Variants in NTM observed in about 807,000 individuals in gnomAD.
The protein encoded by NTM is IgLON family member 2.
In NTM, 13 loss-of-function variants were observed where a neutral mutation model predicts 42.1. The ratio of observed to expected loss-of-function variants is 0.31; its 90% CI spans 0.20 to 0.49. The LOEUF (loss-of-function observed/expected upper bound fraction) is 0.49. Among genes scored for constraint, NTM ranks in the 20% least tolerant of loss-of-function variants. The probability of loss-of-function intolerance (pLI) is 0.99; values close to 1 mark genes in which losing one functional copy is unlikely to be tolerated. For synonymous variants in NTM, 187 were observed against 179.2 expected (o/e 1.04, Z -0.35); for missense variants, 373 against 452.8 (o/e 0.82, Z 1.60).
intron 1 of NTM, among the ~76,000 whole-genome samples, chr11:131,402,550 G>GA (rs1413770104): frequency 2.0e-5 from 3 of 152,094 alleles, no homozygotes; most frequent in Non-Finnish European, 2.9e-5. Flanking sequence ...GGGCCTATAG[G>GA]AAAACAGCAC....
Position 132,122,727 on chromosome 11 carries a change from C to T in NTM, c.168-23555C>T, listed in dbSNP as rs373032223. Among the ~76,000 whole-genome samples the T allele has an allele frequency of 5.9e-5, 9 of 152,326 alleles. No individual in the cohort carries two copies. The East Asian group carries it at 1.7e-3, about 29-fold the overall frequency. On this transcript the variant is annotated intron_variant, in intron 2 of 8. Coordinates refer to ENST00000683400, the MANE Select transcript of NTM (RefSeq NM_001352005.2). ...CACACCAGCTGTATTTGGGAAATCT[C>T]TCAGCCAGGGACTCACCCCTTTCTC...
At chr11:132,297,621 CA>C (rs1016938191) in intron 4 of NTM, among the ~76,000 whole-genome samples, 1 of 152,228 alleles carries the variant, frequency 6.6e-6, no homozygotes, top group African/African-American at 2.4e-5. Flanking sequence ...CCATCCTCCA[CA>C]AAATATTTAA....
intron 1 of NTM, among the ~76,000 whole-genome samples, chr11:131,570,430 C>T (rs1310149737): frequency 1.3e-5 from 2 of 152,136 alleles, no homozygotes; most frequent in African/African-American, 4.8e-5. Context: ...ATAAATGAAC[C>T]TTGAAAGAGA....
chr11:132,182,220 T>C (rs1353149093), intron 3 of NTM, among the ~76,000 whole-genome samples: 1 of 152,142 alleles, frequency 6.6e-6, no homozygotes, highest in Non-Finnish European at 1.5e-5. Flanking sequence ...TTCCTAACCT[T>C]ACAATTCTAT....
At chr11:131,487,335 C>T (rs1954285330) in intron 1 of NTM, among the ~76,000 whole-genome samples, 1 of 152,150 alleles carries the variant, frequency 6.6e-6, no homozygotes, top group African/African-American at 2.4e-5. Flanking sequence ...ATTCAGGACC[C>T]AGGGCTTAAT....
At chr11:131,383,168 C>T (rs2135534506) in intron 1 of NTM, among the ~76,000 whole-genome samples, 1 of 152,310 alleles carries the variant, frequency 6.6e-6, no homozygotes, top group South Asian at 2.1e-4. Flanking sequence ...GACATCTCCA[C>T]ATCATTGAAT....
intron 2 of NTM, among the ~76,000 whole-genome samples, chr11:132,116,367 TG>T (rs1336196185): frequency 6.6e-6 from 1 of 151,744 alleles, no homozygotes; most frequent in Non-Finnish European, 1.5e-5. Context: ...CAAACAGAAG[TG>T]GGGGGTGATA....
At chr11:131,560,634 C>T (rs1329701911) in intron 1 of NTM, among the ~76,000 whole-genome samples, 2 of 152,290 alleles carry the variant, frequency 1.3e-5, no homozygotes, top group Admixed American at 1.3e-4. Flanking sequence ...TATGAAAAAG[C>T]CATATTCAAA....
chr11:131,733,458 C>CCTTT (rs1430739189), intron 1 of NTM, among the ~76,000 whole-genome samples: 30 of 130,670 alleles, frequency 2.3e-4, no homozygotes, highest in African/African-American at 1.0e-3. Flanking sequence ...TTCCTTCCTT[C>CCTTT]CTTCTTTCCT....
intron 1 of NTM, among the ~76,000 whole-genome samples, chr11:131,558,727 A>G (rs182558701): frequency 9.5e-4 from 144 of 152,276 alleles, no homozygotes; most frequent in Non-Finnish European, 1.6e-4. Flanking sequence ...CGGAATAGCT[A>G]CACATAAGGT....
intron 1 of NTM, among the ~76,000 whole-genome samples, chr11:131,874,065 A>ATACATATATATATATC (rs1565659851): frequency 8.8e-4 from 53 of 60,190 alleles, no homozygotes; most frequent in African/African-American, 2.2e-3. Flanking sequence ...ATATATATAT[A>ATACATATATATATATC]TATCAGCAAC....
At chr11:131,979,680 C>A (rs2064953018) in intron 2 of NTM, among the ~76,000 whole-genome samples, 1 of 152,164 alleles carries the variant, frequency 6.6e-6, no homozygotes, top group Non-Finnish European at 1.5e-5. Flanking sequence ...ACTATTAACT[C>A]AAAATTGCCC....
intron 3 of NTM, among the ~76,000 whole-genome samples, chr11:132,184,250 CTT>C (rs985679246): frequency 6.6e-5 from 10 of 152,184 alleles, no homozygotes; most frequent in African/African-American, 2.2e-4. Flanking sequence ...GAGGTCCTCT[CTT>C]TGCTCCTTTG....
chr11:131,375,238 G>T (rs1177133976), intron 1 of NTM, among the ~76,000 whole-genome samples: 1 of 152,122 alleles, frequency 6.6e-6, no homozygotes, highest in African/African-American at 2.4e-5. Context: ...ACTCCCCTGG[G>T]TGTTGTAAGG....
intron 2 of NTM, among the ~76,000 whole-genome samples, chr11:132,117,386 A>C (rs1310494494): frequency 6.6e-6 from 1 of 152,152 alleles, no homozygotes; most frequent in Non-Finnish European, 1.5e-5. Flanking sequence ...TCTGTGCCCC[A>C]CCTTGCTTGG....
intron 1 of NTM, among the ~76,000 whole-genome samples, chr11:131,775,807 A>T (rs779913194): frequency 7.9e-5 from 12 of 152,202 alleles, no homozygotes; most frequent in Non-Finnish European, 1.8e-4. Flanking sequence ...TCTATGGCTA[A>T]ATGAAGGCTT....
In NTM at chr11:131,413,357, T is replaced by G. The variant is rs1404235184; in HGVS notation, c.82+42469T>G. On this transcript the variant is annotated intron_variant, in intron 1 of 8. Transcript: ENST00000683400. ...TAATAAACAGGAGCGTGCTTCCTTT[T>G]GCTTTCTGGAGCGCCAGCCCACCCA... Among the ~76,000 whole-genome samples the G allele has an allele frequency of 1.3e-5, 2 of 152,250 alleles. 1 individual carries two copies. Among genetic ancestry groups the G allele is most frequent in the South Asian group, 4.1e-4 (2 of 4,834 alleles).
At chr11:132,331,892 A>T (rs549157070) in intron 8 of NTM, among the ~76,000 whole-genome samples, 1 of 152,280 alleles carries the variant, frequency 6.6e-6, no homozygotes, top group African/African-American at 2.4e-5. Context: ...GTGTGCTCAC[A>T]TGTGGTTATG....
At chr11:131,437,522 C>T (rs1949247418) in intron 1 of NTM, among the ~76,000 whole-genome samples, 1 of 152,026 alleles carries the variant, frequency 6.6e-6, no homozygotes, top group Non-Finnish European at 1.5e-5. Flanking sequence ...TGAATTGATC[C>T]CTTTATCATT....
Sources: gnomAD v4.1 joint callset for allele counts (sites outside exome capture counted in the v4.1 genomes callset) on GRCh38, gnomAD v4.1.1 for gene constraint, MANE v1.5 for transcripts, NCBI Gene and HGNC (gene_info 2026-07-23, HGNC 2026-07-21) for gene names.